KCTD16: variants seen among roughly 807,000 people sequenced by gnomAD.
KCTD16 encodes the protein potassium channel tetramerization domain containing 16.
A neutral mutation model predicts 33.2 loss-of-function variants in KCTD16; 13 were observed. That is an observed-to-expected ratio of 0.39 (90% CI 0.25 to 0.62). KCTD16 has a LOEUF of 0.62. Ranked by LOEUF, KCTD16 falls within the 20% of genes least tolerant of loss-of-function variation. The pLI is 0.50. For missense variants in KCTD16, 441 were observed against 525.1 expected (o/e 0.84, Z 1.57); for synonymous variants, 197 against 195.3 (o/e 1.01, Z -0.07).
intron 3 of KCTD16, among the ~76,000 whole-genome samples, chr5:144,315,346 C>T (rs751000622): frequency 6.6e-6 from 1 of 152,112 alleles, no homozygotes; most frequent in African/African-American, 2.4e-5. Context: ...GAAACAATTT[C>T]CTAAAGTGCC....
At position 144,410,219 on chromosome 5, in the gene KCTD16, T is replaced by C. The variant is rs528676344; in HGVS notation, c.833-63441T>C. On this transcript the variant is annotated intron_variant, in intron 3 of 3. Transcript: ENST00000512467. The stretch of plus-strand genomic sequence containing the variant: ...GGGGAGGCTGTCCTAGCTTGTCTGG[T>C]TCTCTGGTCCTGAAGCAGGAGGCCT... Among the ~76,000 whole-genome samples the C allele has an allele frequency of 1.5e-3, 228 of 152,276 alleles. 1 individual carries two copies. Among genetic ancestry groups the C allele is most frequent in the African/African-American group, 5.3e-3 (219 of 41,552 alleles).
chr5:144,452,788 G>A (rs1753975276), intron 3 of KCTD16, among the ~76,000 whole-genome samples: 1 of 150,820 alleles, frequency 6.6e-6, no homozygotes, highest in Non-Finnish European at 1.5e-5. Flanking sequence ...AAAAAAAAAG[G>A]AAAAAAGAAG....
At position 144,372,206 on chromosome 5, in the gene KCTD16, T is replaced by C. The variant is rs114899354; in HGVS notation, c.833-101454T>C. Among the ~76,000 whole-genome samples, 820 of 114,130 alleles carry C rather than the reference T, an allele frequency of 7.2e-3. 16 individuals carry two copies. The highest frequency in any genetic ancestry group is 0.045 in the African/African-American group (764 of 16,998). 74.9% of individuals were successfully genotyped at this position (114,130 alleles called of 152,430 possible). ...AATTTGTGTAACCCCTCTGTGCTTC[T>C]TTTTTTTTTTTTGTCTACAAATGTG... On this transcript the variant is annotated intron_variant, in intron 3 of 3. Coordinates refer to ENST00000512467, the MANE Select transcript of KCTD16 (RefSeq NM_020768.4).
intron 3 of KCTD16, among the ~76,000 whole-genome samples, chr5:144,208,497 G>A (rs189361481): frequency 5.3e-4 from 80 of 152,316 alleles, no homozygotes; most frequent in Non-Finnish European, 1.1e-3. Flanking sequence ...TTTAACTGCC[G>A]ATTTTCAACA....
intron 3 of KCTD16, among the ~76,000 whole-genome samples, chr5:144,417,857 G>C (rs1477686739): frequency 6.6e-6 from 1 of 152,068 alleles, no homozygotes; most frequent in South Asian, 2.1e-4. Context: ...GATGTGTCTG[G>C]AATTGGTTCC....
chr5:144,319,670 C>T (rs913799390), intron 3 of KCTD16, among the ~76,000 whole-genome samples: 1 of 152,196 alleles, frequency 6.6e-6, no homozygotes, highest in Non-Finnish European at 1.5e-5. Context: ...AATGTTATGT[C>T]ATGGCTTAAG....
At chr5:144,239,641 C>G (rs1056592434) in intron 3 of KCTD16, among the ~76,000 whole-genome samples, 25 of 152,218 alleles carry the variant, frequency 1.6e-4, no homozygotes, top group African/African-American at 5.1e-4. Context: ...CGTGACTTTT[C>G]AAATGCCTAC....
intron 3 of KCTD16, among the ~76,000 whole-genome samples, chr5:144,407,323 A>G (rs1319908885): frequency 6.6e-6 from 1 of 151,894 alleles, no homozygotes; most frequent in Non-Finnish European, 1.5e-5. Context: ...AAACTCATTA[A>G]ATTCATGCTT....
At chr5:144,344,596 A>T (rs1283938361) in intron 3 of KCTD16, among the ~76,000 whole-genome samples, 1 of 151,606 alleles carries the variant, frequency 6.6e-6, no homozygotes, top group African/African-American at 2.4e-5. Flanking sequence ...CAAAAAACAC[A>T]TGAAAAAATG....
chr5:144,346,425 G>T (rs1328453088), intron 3 of KCTD16, among the ~76,000 whole-genome samples: 2 of 151,824 alleles, frequency 1.3e-5, no homozygotes, highest in Non-Finnish European at 1.5e-5. Flanking sequence ...TTTTTCAGGG[G>T]CCTCCAAACT....
intron 1 of KCTD16, among the ~76,000 whole-genome samples, chr5:144,171,283 A>G (rs1324523461): frequency 6.6e-6 from 1 of 152,178 alleles, no homozygotes; most frequent in Non-Finnish European, 1.5e-5. Context: ...TAAAGCCACT[A>G]TAAGAGGGTT....
chr5:144,444,688 C>T (rs1753782317), intron 3 of KCTD16, among the ~76,000 whole-genome samples: 1 of 151,744 alleles, frequency 6.6e-6, no homozygotes, highest in South Asian at 2.1e-4. Flanking sequence ...TAAAGTCTTA[C>T]TATCAAAAAA....
chr5:144,265,100 G>A (rs138823715), intron 3 of KCTD16, among the ~76,000 whole-genome samples: 15 of 152,180 alleles, frequency 9.9e-5, no homozygotes, highest in South Asian at 2.1e-4. Context: ...CTAATTTTCC[G>A]TAAAAGGAAA....
At chr5:144,276,335 C>A (rs1190951886) in intron 3 of KCTD16, among the ~76,000 whole-genome samples, 1 of 152,068 alleles carries the variant, frequency 6.6e-6, no homozygotes, top group African/African-American at 2.4e-5. Flanking sequence ...ACTTATTTGC[C>A]TTTAGTATTA....
chr5:144,268,462 A>G (rs1755207035), intron 3 of KCTD16, among the ~76,000 whole-genome samples: 3 of 152,168 alleles, frequency 2.0e-5, no homozygotes, highest in Non-Finnish European at 4.4e-5. Context: ...ATAACTTTAT[A>G]TACAGGGAAA....
At chr5:144,422,813 T>C (rs1361179309) in intron 3 of KCTD16, among the ~76,000 whole-genome samples, 1 of 152,172 alleles carries the variant, frequency 6.6e-6, no homozygotes, top group Non-Finnish European at 1.5e-5. Flanking sequence ...TGTCTAGTGC[T>C]AAGTGAAAAC....
At chr5:144,266,840 G>A (rs990735937) in intron 3 of KCTD16, among the ~76,000 whole-genome samples, 1 of 151,920 alleles carries the variant, frequency 6.6e-6, no homozygotes, top group South Asian at 2.1e-4. Context: ...AAAATTCATT[G>A]AAGCAGACCT....
intron 3 of KCTD16, among the ~76,000 whole-genome samples, chr5:144,420,404 A>G (rs527745596): frequency 8.7e-4 from 132 of 152,266 alleles, no homozygotes; most frequent in African/African-American, 3.1e-3. Context: ...TTAAAGTATA[A>G]TAATAATAGC....
chr5:144,265,149 A>G (rs1755109216), intron 3 of KCTD16, among the ~76,000 whole-genome samples: 1 of 152,208 alleles, frequency 6.6e-6, no homozygotes, highest in African/African-American at 2.4e-5. Context: ...TTGTAAGGAG[A>G]AAATTATCTA....
Sources: allele counts gnomAD v4.1 joint callset (sites outside exome capture counted in the v4.1 genomes callset), GRCh38; gene constraint gnomAD v4.1.1; transcripts MANE v1.5; gene names NCBI Gene and HGNC (gene_info 2026-07-23, HGNC 2026-07-21).